The following AKAP7 variants were observed in gnomAD, a reference collection of about 807,000 sequenced individuals.
AKAP7 encodes A-kinase anchoring protein 7.
A neutral mutation model predicts 39.5 loss-of-function variants in AKAP7; 39 were observed. The ratio of observed to expected loss-of-function variants is 0.99; its 90% CI spans 0.76 to 1.29. AKAP7 has a LOEUF of 1.29. Ranked by LOEUF, AKAP7 falls within the 50% of genes most tolerant of loss-of-function variation. The pLI is 0.00. For missense variants in AKAP7, 414 were observed against 407.7 expected (o/e 1.02, Z -0.13); for synonymous variants, 140 against 139.1 (o/e 1.01, Z -0.05).
rs78160734 is a variant in AKAP7 at position 131,149,826 on chromosome 6, A to G, written c.151+4410A>G. 4.7e-3 allele frequency among the ~76,000 whole-genome samples: 712 copies of G among 152,326 alleles called. 4 individuals are homozygous for G. The highest frequency in any genetic ancestry group is 7.2e-3 in the Non-Finnish European group (492 of 68,020). The stretch of plus-strand genomic sequence containing the variant: ...AACCCAGTAAACCATCCAGGAAAGC[A>G]TTTGGGTTGCTACTGTTCTGCATTC... On this transcript the variant is annotated intron_variant, in intron 2 of 7. Transcript: ENST00000431975.
At position 131,257,203 on chromosome 6, in the gene AKAP7, G is replaced by GT. The variant is rs1176536567; in HGVS notation, c.851-24325dup. Among the ~76,000 whole-genome samples, 3 of 152,136 alleles carry GT rather than the reference G, an allele frequency of 2.0e-5. No individual in the cohort carries two copies. In the East Asian group the frequency reaches 5.8e-4, roughly 29 times the overall value. ...TAAATTTCTTTGCAGCAAATAGTGT[G>GT]TTAATTGCATAGCCGCAGTAAGAAG... On this transcript the variant is annotated intron_variant, in intron 7 of 7. Coordinates refer to ENST00000431975, the MANE Select transcript of AKAP7 (RefSeq NM_016377.4).
chr6:131,232,271 T>C (rs1810688432), intron 7 of AKAP7, among the ~76,000 whole-genome samples: 1 of 152,166 alleles, frequency 6.6e-6, no homozygotes, highest in Admixed American at 6.6e-5. Flanking sequence ...GAGCCTTCAG[T>C]TGGAAGTTTA....
intron 6 of AKAP7, among the ~76,000 whole-genome samples, chr6:131,206,345 A>C (rs1808096365): frequency 6.6e-6 from 1 of 152,208 alleles, no homozygotes; most frequent in South Asian, 2.1e-4. Context: ...AGAGTACTTT[A>C]GAATGAAAAA....
chr6:131,282,539 G>A lies in AKAP7; in HGVS notation c.*813G>A, dbSNP rs1815288012. ...GGCCAGAATTAGGAGGGAGCTTTTTGAAGGAAGACTTATTAACAACAGTAA... is the reference window on the plus strand; with the variant it reads ...GGCCAGAATTAGGAGGGAGCTTTTTAAAGGAAGACTTATTAACAACAGTAA... On this transcript the variant is annotated 3_prime_UTR_variant, in exon 8 of 8. Coordinates refer to ENST00000431975, the MANE Select transcript of AKAP7 (RefSeq NM_016377.4). 6.5e-7 allele frequency: 1 copy of A among 1,535,864 alleles called. No homozygotes were observed. Among genetic ancestry groups the A allele is most frequent in the East Asian group, 2.4e-5 (1 of 40,880 alleles).
intron 7 of AKAP7, among the ~76,000 whole-genome samples, chr6:131,259,518 A>G (rs1813132539): frequency 6.6e-6 from 1 of 152,208 alleles, no homozygotes; most frequent in Non-Finnish European, 1.5e-5. Context: ...CTCTAGGGGA[A>G]CAGAATTAGG....
chr6:131,216,563 G>A (rs193299998), intron 6 of AKAP7, among the ~76,000 whole-genome samples: 14 of 152,236 alleles, frequency 9.2e-5, no homozygotes, highest in Admixed American at 7.2e-4. Flanking sequence ...TTTGAACATC[G>A]CTGATAATTT....
At chr6:131,183,296 G>A (rs1805464413) in intron 5 of AKAP7, among the ~76,000 whole-genome samples, 1 of 152,120 alleles carries the variant, frequency 6.6e-6, no homozygotes, top group Non-Finnish European at 1.5e-5. Context: ...ATCAGAGTGT[G>A]AAGACCTTAC....
At position 131,281,941 on chromosome 6, in the gene AKAP7, AAAG is replaced by A; in HGVS notation, c.*221_*223del. The A allele has an allele frequency of 1.6e-6, 2 of 1,229,110 alleles. No individual in the cohort carries two copies. Among genetic ancestry groups the A allele is most frequent in the Non-Finnish European group, 2.0e-6 (2 of 985,694 alleles). 76.1% of individuals were successfully genotyped at this position (1,229,110 alleles called of 1,614,324 possible). ...GACTGGCAGAGGAAATTAATTGATG[AAAG>A]AAGAATGGCCCAAGTTTCATTCGCC... On this transcript the variant is annotated 3_prime_UTR_variant, in exon 8 of 8. Transcript: ENST00000431975. The surrounding 1 kb of genome is among the most constrained non-coding windows in gnomAD (Gnocchi z 4.0).
chr6:131,247,316 T>TATG (rs1562241849), intron 7 of AKAP7, among the ~76,000 whole-genome samples: 2 of 118,142 alleles, frequency 1.7e-5, no homozygotes, highest in African/African-American at 3.5e-5. Context: ...TATATATATG[T>TATG]TTTTTTTTTC....
chr6:131,145,359 A>G lies in AKAP7; in HGVS notation c.94A>G (p.Met32Val), dbSNP rs749385040. 13 of 1,572,120 alleles carry G rather than the reference A, an allele frequency of 8.3e-6. No homozygotes were observed. The highest frequency in any genetic ancestry group is 4.8e-5 in the South Asian group (4 of 83,368). The change falls in exon 2 of 8, where the codon ATG (methionine) becomes GTG (valine). Residue 32 changes from methionine to valine, a missense_variant. Physicochemically the swap from Met to Val is conservative, Grantham distance 21. Transcript: ENST00000431975. ...GTCAGAGGAATTTGAAGCCAATACT[A>G]TGGATTCTCTGGTAGACATGCCATT... ...KMSEEFEANTMDSLVDMPFAT... is the reference protein window; with the variant it reads ...KMSEEFEANTVDSLVDMPFAT...
the AKAP7 span, among the ~76,000 whole-genome samples, chr6:131,129,722 A>C: frequency 6.6e-6 from 1 of 152,230 alleles, no homozygotes; most frequent in East Asian, 1.9e-4. Context: ...CTCAAACATT[A>C]ATTGAAAAGC....
chr6:131,241,850 T>TA (rs1811652285), intron 7 of AKAP7, among the ~76,000 whole-genome samples: 1 of 151,990 alleles, frequency 6.6e-6, no homozygotes, highest in African/African-American at 2.4e-5. Context: ...GTGTGACAGA[T>TA]TTGTTAATTG....
At chr6:131,177,827 C>T (rs1036439658) in intron 5 of AKAP7, among the ~76,000 whole-genome samples, 4 of 152,196 alleles carry the variant, frequency 2.6e-5, no homozygotes, top group Admixed American at 2.6e-4. Context: ...AGCAACCGGA[C>T]TCCCTAAACA....
intron 7 of AKAP7, among the ~76,000 whole-genome samples, chr6:131,226,336 T>G (rs1403586774): frequency 6.6e-6 from 1 of 152,212 alleles, no homozygotes; most frequent in African/African-American, 2.4e-5. Flanking sequence ...GGTGGCAACA[T>G]TCCTATTTTC....
chr6:131,261,787 G>A (rs774655662), intron 7 of AKAP7, among the ~76,000 whole-genome samples: 10 of 152,148 alleles, frequency 6.6e-5, no homozygotes, highest in Non-Finnish European at 4.4e-5. Context: ...AACATTGTGG[G>A]GGGGAAATGA....
chr6:131,182,159 C>T (rs1334945073), intron 5 of AKAP7, among the ~76,000 whole-genome samples: 2 of 152,082 alleles, frequency 1.3e-5, no homozygotes, highest in African/African-American at 4.8e-5. Flanking sequence ...TAGTAAAATA[C>T]ATATAATATG....
intron 2 of AKAP7, among the ~76,000 whole-genome samples, chr6:131,154,870 G>A (rs553134201): frequency 2.0e-5 from 3 of 152,160 alleles, no homozygotes; most frequent in Non-Finnish European, 4.4e-5. Context: ...ATGTGTATGT[G>A]TGTGTTTATT....
intron 6 of AKAP7, among the ~76,000 whole-genome samples, chr6:131,216,786 A>G (rs1026275298): frequency 2.0e-5 from 3 of 152,202 alleles, no homozygotes; most frequent in Non-Finnish European, 2.9e-5. Context: ...GGATACAATT[A>G]TAAATATGAA....
chr6:131,279,895 A>G (rs553165064), intron 7 of AKAP7, among the ~76,000 whole-genome samples: 1 of 152,242 alleles, frequency 6.6e-6, no homozygotes, highest in African/African-American at 2.4e-5. Flanking sequence ...GGGAAGAGTC[A>G]TTATACAAAC....
Sources: gnomAD v4.1 joint callset for allele counts (sites outside exome capture counted in the v4.1 genomes callset) on GRCh38, gnomAD v4.1.1 for gene constraint, Gnocchi (gnomAD v3.1) non-coding constraint, MANE v1.5 for transcripts, NCBI Gene and HGNC (gene_info 2026-07-23, HGNC 2026-07-21) for gene names.